Variants in CSMD1 observed in about 807,000 individuals in gnomAD.
CSMD1 encodes the protein CUB and Sushi multiple domains 1, also known as CUB and sushi domain-containing protein 1.
In CSMD1, 213 loss-of-function variants were observed where a neutral mutation model predicts 417.5. That is an observed-to-expected ratio of 0.51 (90% confidence interval 0.46 to 0.57). The LOEUF (loss-of-function observed/expected upper bound fraction) is 0.57. Among genes scored for constraint, CSMD1 ranks in the 20% least tolerant of loss-of-function variants. The probability of loss-of-function intolerance (pLI) is 0.00; values close to 1 mark genes in which losing one functional copy is unlikely to be tolerated. For missense variants in CSMD1, 6,923 were observed against 4,529.7 expected (o/e 1.53, Z -15.17); for synonymous variants, 2,862 against 1,736.8 (o/e 1.65, Z -16.11).
At chr8:4,809,096 A>G (rs1344109560) in intron 1 of CSMD1, among the ~76,000 whole-genome samples, 1 of 152,206 alleles carries the variant, frequency 6.6e-6, no homozygotes, top group African/African-American at 2.4e-5. Flanking sequence ...ACTGAATGAA[A>G]CAGATGGACC....
chr8:4,010,616 C>T (rs1030425153), intron 4 of CSMD1, among the ~76,000 whole-genome samples: 1 of 152,086 alleles, frequency 6.6e-6, no homozygotes, highest in African/African-American at 2.4e-5. Flanking sequence ...CTCTCCATAC[C>T]AGGTCACTTA....
chr8:4,821,055 T>C (rs531137401), intron 1 of CSMD1, among the ~76,000 whole-genome samples: 4 of 151,842 alleles, frequency 2.6e-5, no homozygotes, highest in South Asian at 2.1e-4. Flanking sequence ...AGAAGAACAA[T>C]GTGGAGGGGA....
At chr8:4,977,867 G>A (rs1433067188) in intron 1 of CSMD1, among the ~76,000 whole-genome samples, 7 of 152,250 alleles carry the variant, frequency 4.6e-5, no homozygotes, top group Non-Finnish European at 7.3e-5. Context: ...AGTGGAAGAA[G>A]ACCCATCATC....
At chr8:4,088,884 T>A (rs903968558) in intron 3 of CSMD1, among the ~76,000 whole-genome samples, 4 of 152,136 alleles carry the variant, frequency 2.6e-5, no homozygotes, top group Non-Finnish European at 4.4e-5. Flanking sequence ...CCACCCGCAA[T>A]CTTCCCCCTC....
At chr8:3,743,468 G>T (rs762923490) in intron 6 of CSMD1, among the ~76,000 whole-genome samples, 1 of 152,190 alleles carries the variant, frequency 6.6e-6, no homozygotes, top group African/African-American at 2.4e-5. Context: ...ATAAGTAATT[G>T]ATATTGACTT....
At chr8:4,129,817 G>T (rs552800350) in intron 3 of CSMD1, among the ~76,000 whole-genome samples, 1 of 152,042 alleles carries the variant, frequency 6.6e-6, no homozygotes, top group African/African-American at 2.4e-5. Context: ...TATTTTCTAA[G>T]TTGTCTCTGA....
At chr8:3,158,906 G>A (rs917433348) in intron 38 of CSMD1, among the ~76,000 whole-genome samples, 4 of 152,122 alleles carry the variant, frequency 2.6e-5, no homozygotes, top group Non-Finnish European at 5.9e-5. Context: ...TCAAACAAGC[G>A]TTTGCACTAA....
At chr8:4,051,853 T>C (rs1563058690) in intron 3 of CSMD1, among the ~76,000 whole-genome samples, 1 of 30,804 alleles carries the variant, frequency 3.2e-5, no homozygotes, top group African/African-American at 1.6e-4. Context: ...TCTTTTCTTT[T>C]CTCTTTCTTT....
At chr8:4,650,874 G>C (rs554464712) in intron 1 of CSMD1, among the ~76,000 whole-genome samples, 1 of 152,210 alleles carries the variant, frequency 6.6e-6, no homozygotes, top group Admixed American at 6.5e-5. Context: ...GATAAAGTAT[G>C]TGAACAGAAG....
At chr8:3,147,274 T>G (rs1257326317) in intron 40 of CSMD1, among the ~76,000 whole-genome samples, 1 of 152,240 alleles carries the variant, frequency 6.6e-6, no homozygotes, top group African/African-American at 2.4e-5. Context: ...TGTTTCATAC[T>G]CAATAATCTT....
chr8:4,096,605 T>C lies in CSMD1; in HGVS notation c.416-64506A>G, dbSNP rs916710572. Among the ~76,000 whole-genome samples the C allele has an allele frequency of 2.6e-5, 4 of 152,218 alleles. No individual in the cohort carries two copies. The East Asian group carries it at 7.7e-4, about 29-fold the overall frequency. ...CTTTTCTTAAGTTTGTATTGTGTAA[T>C]CTGATCAATTACAATGAAAGATATC... On this transcript the variant is annotated intron_variant, in intron 3 of 69. Transcript: ENST00000635120.
intron 46 of CSMD1, among the ~76,000 whole-genome samples, chr8:3,104,486 G>A (rs989270539): frequency 1.4e-4 from 21 of 151,914 alleles, no homozygotes; most frequent in African/African-American, 3.4e-4. Flanking sequence ...CTCAGGTAGC[G>A]GTTTCCTGTA....
intron 54 of CSMD1, among the ~76,000 whole-genome samples, chr8:2,980,176 A>G (rs2128938714): frequency 6.6e-6 from 1 of 152,278 alleles, no homozygotes; most frequent in East Asian, 1.9e-4. Context: ...AATAATTTCA[A>G]ACTGTGTTTG....
chr8:3,065,724 C>T (rs1246082917), intron 49 of CSMD1, among the ~76,000 whole-genome samples: 1 of 152,084 alleles, frequency 6.6e-6, no homozygotes, highest in East Asian at 1.9e-4. Flanking sequence ...AGGAGATAGC[C>T]TACAAAGCAT....
Position 3,188,971 on chromosome 8 carries a change from G to A in CSMD1, c.5439C>T (p.Ile1813=), listed in dbSNP as rs532350269. ...SGNFTQRRGT[I]LSPGYPEPYG... ...ATGGCTCAGGGTAGCCGGGGGACAG[G>A]ATTGTACCTCTTCGTTGAGTGAAAT... Residue 1813 remains isoleucine, a synonymous_variant, in exon 35 of 70, where the codon ATC becomes ATT. Coordinates refer to ENST00000635120, the MANE Select transcript of CSMD1 (RefSeq NM_033225.6). The A allele has an allele frequency of 6.2e-7, 1 of 1,613,388 alleles. No individual in the cohort carries two copies. The highest frequency in any genetic ancestry group is 1.1e-5 in the South Asian group (1 of 90,958).
intron 6 of CSMD1, among the ~76,000 whole-genome samples, chr8:3,750,170 G>C (rs183220076): frequency 5.9e-5 from 9 of 152,038 alleles, no homozygotes; most frequent in Admixed American, 2.0e-4. Context: ...ATCTGCAATC[G>C]TATCAATCCA....
At chr8:3,458,040 A>T (rs1244834646) in intron 12 of CSMD1, among the ~76,000 whole-genome samples, 2 of 152,196 alleles carry the variant, frequency 1.3e-5, no homozygotes, top group East Asian at 3.9e-4. Context: ...TTTCATTCTT[A>T]CCTGAGACTA....
At chr8:3,841,640 T>C (rs1400561579) in intron 5 of CSMD1, among the ~76,000 whole-genome samples, 1 of 152,086 alleles carries the variant, frequency 6.6e-6, no homozygotes, top group Non-Finnish European at 1.5e-5. Flanking sequence ...GTCACACATT[T>C]TTAGAGGTTC....
intron 1 of CSMD1, among the ~76,000 whole-genome samples, chr8:4,739,729 G>A (rs546879111): frequency 3.2e-4 from 49 of 152,148 alleles, no homozygotes; most frequent in African/African-American, 1.2e-3. Flanking sequence ...AGCTCGTGGT[G>A]GTACTTTGCT....
Sources: allele counts gnomAD v4.1 joint callset (sites outside exome capture counted in the v4.1 genomes callset), GRCh38; gene constraint gnomAD v4.1.1; transcripts MANE v1.5; gene names NCBI Gene and HGNC (gene_info 2026-07-23, HGNC 2026-07-21).